Variants in KIF23 observed in about 807,000 individuals in gnomAD.
The protein encoded by KIF23 is kinesin family member 23, also known as kinesin-like protein KIF23.
KIF23 carries 30 observed loss-of-function variants against 137.5 expected under a neutral mutation model. That is an observed-to-expected ratio of 0.22 (90% CI 0.16 to 0.30). The LOEUF is 0.30. Ranked by LOEUF, KIF23 falls within the 10% of genes least tolerant of loss-of-function variation. The pLI is 1.00. For synonymous variants in KIF23, 367 were observed against 391.1 expected (o/e 0.94, Z 0.73); for missense variants, 920 against 1,194.3 (o/e 0.77, Z 3.38).
Position 69,431,410 on chromosome 15 carries a change from G to T in KIF23, c.1114+2197G>T, listed in dbSNP as rs532263628. Reference sequence around the variant, plus strand: ...AGGCGGATCACGAGGTCAGGGGATCGAGACCATCCTGGCTAACAGGGTGAA... The same window carrying T: ...AGGCGGATCACGAGGTCAGGGGATCTAGACCATCCTGGCTAACAGGGTGAA... On this transcript the variant is annotated intron_variant, in intron 11 of 23. Transcript: ENST00000679126. 3.9e-5 allele frequency among the ~76,000 whole-genome samples: 6 copies of T among 152,256 alleles called. No individual in the cohort carries two copies. In the East Asian group the frequency reaches 1.2e-3, roughly 29 times the overall value.
chr15:69,437,549 C>T (rs186714826), intron 15 of KIF23, among the ~76,000 whole-genome samples: 31 of 151,342 alleles, frequency 2.0e-4, no homozygotes, highest in Non-Finnish European at 1.5e-4. Context: ...CAACCTCCGC[C>T]TCCTGGGTTC....
intron 19 of KIF23, among the ~76,000 whole-genome samples, chr15:69,441,673 T>C (rs1310757851): frequency 6.9e-6 from 1 of 144,480 alleles, no homozygotes; most frequent in East Asian, 2.0e-4. Flanking sequence ...GACATTGTAC[T>C]ACCTAGCCAC....
rs187024295 is a variant in KIF23 at position 69,431,850 on chromosome 15, A to G, written c.1114+2637A>G. ...AGATAGTAAAGACTTGAGTTTATTC[A>G]TATGCTGAAGAGATGATGTTTAAGT... is the stretch of plus-strand genomic sequence containing the variant. On this transcript the variant is annotated intron_variant, in intron 11 of 23. Transcript: ENST00000679126. Among the ~76,000 whole-genome samples, 202 of 152,342 alleles carry G rather than the reference A, an allele frequency of 1.3e-3. 1 individual carries two copies. Among genetic ancestry groups the G allele is most frequent in the African/African-American group, 4.6e-3 (190 of 41,566 alleles).
chr15:69,426,030 T>C, intron 8 of KIF23, 40 bp from the exon 9 acceptor site: 1 of 1,270,966 alleles, frequency 7.9e-7, no homozygotes, highest in Non-Finnish European at 1.1e-6. Context: ...TACCAGCATC[T>C]CATAATTTAG....
chr15:69,435,782 T>A lies in KIF23; in HGVS notation c.1314+11T>A. On this transcript the variant is annotated intron_variant, in intron 13 of 23. Coordinates refer to ENST00000679126, the MANE Select transcript of KIF23 (RefSeq NM_001367805.3). Reference sequence around the variant, plus strand: ...TATGAAGAAAACTTGGTAATTTTAATGTATTTGTCCTATAAAGTCTTGAGT... The same window carrying A: ...TATGAAGAAAACTTGGTAATTTTAAAGTATTTGTCCTATAAAGTCTTGAGT... 3.7e-6 allele frequency: 6 copies of A among 1,613,500 alleles called. No individual in the cohort carries two copies. Among genetic ancestry groups the A allele is most frequent in the Non-Finnish European group, 4.2e-6 (5 of 1,179,874 alleles).
intron 11 of KIF23, chr15:69,434,589 C>T: frequency 8.2e-7 from 1 of 1,224,696 alleles, no homozygotes; most frequent in Non-Finnish European, 1.2e-6. Context: ...ACATCTCCTT[C>T]TTCCAAGGTC....
Position 69,417,644 on chromosome 15 carries a change from T to G in KIF23, c.210+133T>G, listed in dbSNP as rs1049075664. 4.9e-5 allele frequency: 47 copies of G among 967,818 alleles called. 2 individuals are homozygous for G. In the South Asian group the frequency reaches 8.0e-4, roughly 17 times the overall value. The allele number at this position is 967,818 out of a possible 1,614,324, so 60.0% of individuals were successfully genotyped here. On this transcript the variant is annotated intron_variant, in intron 3 of 23. Transcript: ENST00000679126. ...GACTTATTTACTTCATTATAACCAC[T>G]GTATCTAAAGTGTTTTTGACTTCTG...
At chr15:69,427,446 T>G (rs2057228923) in intron 10 of KIF23, 2 of 455,992 alleles carry the variant, frequency 4.4e-6, no homozygotes, top group Middle Eastern at 3.3e-4. Flanking sequence ...AAAAATCCCT[T>G]TGGTAGAAGT....
intron 1 of KIF23, 92 bp downstream of exon 1, chr15:69,414,568 T>TCTCC (rs2140299697): frequency 2.6e-5 from 35 of 1,330,704 alleles, no homozygotes; most frequent in South Asian, 6.8e-5. Flanking sequence ...GCCGCGGCCG[T>TCTCC]ACGCGGGCAG....
intron 2 of KIF23, among the ~76,000 whole-genome samples, 187 bp from the exon 3 acceptor site, chr15:69,417,196 T>C (rs1028642569): frequency 2.0e-5 from 3 of 152,246 alleles, no homozygotes; most frequent in Admixed American, 1.3e-4. Context: ...AGTATTCTCA[T>C]ATCTAATACA....
At chr15:69,446,835 G>T (rs2057750214) in intron 22 of KIF23, 36 bp from the exon 23 acceptor site, 1 of 1,581,264 alleles carries the variant, frequency 6.3e-7, no homozygotes, top group Non-Finnish European at 8.7e-7. Flanking sequence ...CTATTGAGAG[G>T]AGCTGATCTT....
At chr15:69,419,651 A>G (rs1349478829) in intron 3 of KIF23, among the ~76,000 whole-genome samples, 1 of 152,122 alleles carries the variant, frequency 6.6e-6, no homozygotes, top group Non-Finnish European at 1.5e-5. Flanking sequence ...TTACTTAACC[A>G]CAATCTATTT....
intron 17 of KIF23, 101 bp downstream of exon 17, chr15:69,440,178 T>G: frequency 2.0e-6 from 3 of 1,495,812 alleles, no homozygotes; most frequent in Non-Finnish European, 2.7e-6. Flanking sequence ...GGTAGGGTTT[T>G]GGTGGTGGTT....
rs375201027 is a variant in KIF23, at chr15:69,436,760, A to T, written c.1597+38A>T. ...CTATTTGAAATAATTTTATTTAATTATTTTTTTTTTTTGAGACATAGTTTC... is the reference window on the plus strand; with the variant it reads ...CTATTTGAAATAATTTTATTTAATTTTTTTTTTTTTTTGAGACATAGTTTC... On this transcript the variant is annotated intron_variant, in intron 15 of 23. Transcript: ENST00000679126. 4.4e-3 allele frequency: 4,717 copies of T among 1,080,894 alleles called. 14 individuals are homozygous for T. Among genetic ancestry groups the T allele is most frequent in the Non-Finnish European group, 5.1e-3 (4,115 of 809,312 alleles). 67.0% of individuals were successfully genotyped at this position (1,080,894 alleles called of 1,614,324 possible).
chr15:69,428,502 C>CA (rs568379382), intron 10 of KIF23, among the ~76,000 whole-genome samples: 90 of 149,282 alleles, frequency 6.0e-4, no homozygotes, highest in East Asian at 1.4e-3. Flanking sequence ...ACCAAAAATA[C>CA]AAAAAAAATG....
rs572223588 is a variant in KIF23 at position 69,440,923 on chromosome 15, A to G, written c.2265A>G (p.Lys755=). ...QKIPTYNTPL[K]VTSIARRRQQ... Reference sequence around the variant, plus strand: ...TTCCTACGTACAACACACCTCTCAAAGTCACATCTATTGCAAGGCGTAGGC... The same window carrying G: ...TTCCTACGTACAACACACCTCTCAAGGTCACATCTATTGCAAGGCGTAGGC... The change falls in exon 19 of 24, where the codon AAA becomes AAG. Residue 755 remains lysine, a synonymous_variant. Coordinates refer to ENST00000679126, the MANE Select transcript of KIF23 (RefSeq NM_001367805.3). 6.2e-7 allele frequency: 1 copy of G among 1,614,186 alleles called. No individual in the cohort carries two copies. Among genetic ancestry groups the G allele is most frequent in the Admixed American group, 1.7e-5 (1 of 60,016 alleles).
At chr15:69,445,765 A>T (rs2057727882) in intron 20 of KIF23, among the ~76,000 whole-genome samples, 1 of 152,002 alleles carries the variant, frequency 6.6e-6, no homozygotes, top group Non-Finnish European at 1.5e-5. Context: ...CAAAAGGAAT[A>T]TTTTTTTCTG....
chr15:69,440,798 A>C lies in KIF23; in HGVS notation c.2140A>C (p.Asn714His). ...TAGTAACTATATTGCTCAGATTTCCAACGGCCAGCAACTCATGAGCCAGCC... is the reference window on the plus strand; with the variant it reads ...TAGTAACTATATTGCTCAGATTTCCCACGGCCAGCAACTCATGAGCCAGCC... ...LSSNYIAQIS[N>H]GQQLMSQPQL... Residue 714 changes from asparagine (N) to histidine (H), a missense_variant, in exon 19 of 24, where the codon AAC (asparagine) becomes CAC (histidine). By Grantham distance (68) the Asn-to-His change is moderately conservative. Around this residue, in one of 4 missense-constraint regions of KIF23, gnomAD observed 714 missense variants for 866.2 expected, o/e 0.82. Transcript: ENST00000679126. 6.2e-7 allele frequency: 1 copy of C among 1,611,494 alleles called. No individual in the cohort carries two copies. The highest frequency in any genetic ancestry group is 1.1e-5 in the South Asian group (1 of 91,054).
intron 20 of KIF23, 130 bp from the exon 21 acceptor site, chr15:69,445,879 C>T: frequency 2.8e-6 from 2 of 703,022 alleles, no homozygotes; most frequent in Non-Finnish European, 5.0e-6. Context: ...TCAGCAAGTA[C>T]CAAGTACCAT....
Sources: allele counts gnomAD v4.1 joint callset (sites outside exome capture counted in the v4.1 genomes callset), GRCh38; gene constraint gnomAD v4.1.1; regional missense constraint gnomAD v4.1.1; transcripts MANE v1.5; gene names NCBI Gene and HGNC (gene_info 2026-07-23, HGNC 2026-07-21).